SNX29: variants seen among roughly 807,000 people sequenced by gnomAD.
SNX29 encodes the protein sorting nexin-29.
Under a neutral mutation model 102.1 loss-of-function variants are expected in SNX29, and 78 were observed. The observed-to-expected ratio is 0.76, with a 90% confidence interval of 0.64 to 0.92. The LOEUF is 0.92. SNX29 is among the 40% of genes least tolerant of loss of function. The pLI, the probability that SNX29 is intolerant of heterozygous loss-of-function variation, is 0.00. For synonymous variants in SNX29, 580 were observed against 414.5 expected (o/e 1.40, Z -4.85); for missense variants, 1,280 against 1,061.7 (o/e 1.21, Z -2.86).
At chr16:12,292,649 C>G (rs1267413038) in intron 15 of SNX29, among the ~76,000 whole-genome samples, 1 of 152,184 alleles carries the variant, frequency 6.6e-6, no homozygotes, top group Admixed American at 6.5e-5. Flanking sequence ...AGCAGTTTGG[C>G]TTGGAAGACA....
chr16:12,156,804 C>T (rs990799373), intron 13 of SNX29, among the ~76,000 whole-genome samples: 1 of 152,204 alleles, frequency 6.6e-6, no homozygotes, highest in Non-Finnish European at 1.5e-5. Context: ...AGTGCAGGAG[C>T]CCAGGGCATG....
chr16:12,548,209 C>T (rs1424448881), intron 20 of SNX29, among the ~76,000 whole-genome samples: 1 of 152,198 alleles, frequency 6.6e-6, no homozygotes, highest in African/African-American at 2.4e-5. Flanking sequence ...CCCACAAGGC[C>T]ACGCTGGATC....
chr16:12,141,406 A>T (rs928752940), intron 13 of SNX29, among the ~76,000 whole-genome samples: 1 of 152,222 alleles, frequency 6.6e-6, no homozygotes, highest in Non-Finnish European at 1.5e-5. Flanking sequence ...GGGTTGTTGG[A>T]TCTTGTGCAA....
chr16:12,222,207 C>A (rs1310069936), intron 14 of SNX29, among the ~76,000 whole-genome samples: 1 of 152,126 alleles, frequency 6.6e-6, no homozygotes, highest in African/African-American at 2.4e-5. Flanking sequence ...AATTAGGAAA[C>A]AGAAACAAGC....
chr16:12,301,725 A>C (rs2080179622), intron 15 of SNX29, among the ~76,000 whole-genome samples: 1 of 151,950 alleles, frequency 6.6e-6, no homozygotes, highest in African/African-American at 2.4e-5. Flanking sequence ...CGGAGGATGG[A>C]CTCTGCATGA....
chr16:12,191,857 C>G (rs1567295835), intron 13 of SNX29, among the ~76,000 whole-genome samples: 3 of 152,202 alleles, frequency 2.0e-5, no homozygotes, highest in African/African-American at 7.2e-5. Context: ...TCCTCATGGT[C>G]TTGGATAGCC....
chr16:12,313,018 T>G (rs1369436712), intron 15 of SNX29, among the ~76,000 whole-genome samples: 1 of 122,504 alleles, frequency 8.2e-6, no homozygotes, highest in African/African-American at 2.7e-5. Context: ...CTTTTTGTTT[T>G]CTGTTTTTTT....
intron 13 of SNX29, among the ~76,000 whole-genome samples, chr16:12,147,945 GGCA>G (rs1032525983): frequency 6.6e-6 from 1 of 152,100 alleles, no homozygotes; most frequent in African/African-American, 2.4e-5. Context: ...AGATATTCTT[GGCA>G]GCAGCAGCAG....
chr16:12,272,204 C>A (rs1013796991), intron 14 of SNX29, among the ~76,000 whole-genome samples: 4 of 152,200 alleles, frequency 2.6e-5, no homozygotes, highest in Admixed American at 2.6e-4. Context: ...GCTGATTCTT[C>A]TTAAATATAG....
At chr16:11,999,185 T>C (rs535380384) in intron 1 of SNX29, 112 bp from the exon 2 acceptor site, 2 of 864,886 alleles carry the variant, frequency 2.3e-6, no homozygotes, top group South Asian at 1.6e-5. Flanking sequence ...AGATTATTGA[T>C]ACCTAGTTGT....
chr16:12,292,312 G>C (rs529294061), intron 15 of SNX29, among the ~76,000 whole-genome samples: 56 of 152,310 alleles, frequency 3.7e-4, no homozygotes, highest in African/African-American at 1.3e-3. Flanking sequence ...TCCTACTAGA[G>C]AGAGTCTTTT....
At chr16:12,556,021 C>G (rs907710734) in intron 20 of SNX29, among the ~76,000 whole-genome samples, 4 of 152,184 alleles carry the variant, frequency 2.6e-5, no homozygotes, top group African/African-American at 7.2e-5. Context: ...TGGACTCATG[C>G]CATGCCACCG....
At chr16:12,372,105 AT>A (rs1403235046) in intron 16 of SNX29, among the ~76,000 whole-genome samples, 13 of 152,214 alleles carry the variant, frequency 8.5e-5, no homozygotes, top group African/African-American at 3.1e-4. Context: ...CCTTCCAGGT[AT>A]TTTTTATGCA....
At chr16:12,396,511 G>T (rs971629999) in intron 16 of SNX29, among the ~76,000 whole-genome samples, 1 of 152,192 alleles carries the variant, frequency 6.6e-6, no homozygotes, top group Non-Finnish European at 1.5e-5. Context: ...GCCCAGAAGA[G>T]CTTTTCCCAG....
Position 12,524,733 on chromosome 16 carries a change from A to C in SNX29, c.2210A>C (p.Gln737Pro). The C allele has an allele frequency of 6.2e-7, 1 of 1,613,606 alleles. No homozygotes were observed. The highest frequency in any genetic ancestry group is 8.5e-7 in the Non-Finnish European group (1 of 1,179,764). ...AAGTTTGTGGAGGAACGGAGAAAGC[A>C]GCTCCAGAATTACCTGCGCAGCGTC... ...DAKFVEERRK[Q>P]LQNYLRSVMN... is the part of the protein sequence containing the mutation. Residue 737 changes from glutamine to proline, a missense_variant, in exon 20 of 21, where the codon CAG becomes CCG. By Grantham distance (76) the Gln-to-Pro change is moderately conservative. Transcript: ENST00000566228.
At position 12,571,666 on chromosome 16, in the gene SNX29, C is replaced by G. The variant is rs1027629779; in HGVS notation, c.*3037C>G. 1.9e-6 allele frequency: 2 copies of G among 1,059,442 alleles called. No individual in the cohort carries two copies. Among genetic ancestry groups the G allele is most frequent in the East Asian group, 5.2e-5 (1 of 19,306 alleles). The allele number at this position is 1,059,442 out of a possible 1,614,324, so 65.6% of individuals were successfully genotyped here. A position where few individuals can be genotyped will look rare whatever the true frequency, so the allele number is the denominator to read the frequency against. On this transcript the variant is annotated 3_prime_UTR_variant, in exon 21 of 21. Coordinates refer to ENST00000566228, the MANE Select transcript of SNX29 (RefSeq NM_032167.5). ...GAAAGACGACTCAGGAACGGTAGGGCTGGGCAGAGGTGTCTCTCCTTGAGA... is the reference window on the plus strand; with the variant it reads ...GAAAGACGACTCAGGAACGGTAGGGGTGGGCAGAGGTGTCTCTCCTTGAGA...
At chr16:12,528,205 G>C (rs893124281) in intron 20 of SNX29, among the ~76,000 whole-genome samples, 2 of 151,534 alleles carry the variant, frequency 1.3e-5, no homozygotes, top group Admixed American at 6.6e-5. Flanking sequence ...CAGACGTCAA[G>C]CTTCTTTATT....
Position 12,570,116 on chromosome 16 carries a change from G to A in SNX29, c.*1487G>A, listed in dbSNP as rs60991168. ...TCCCCTCGTAGCAAAAAGGAAGATT[G>A]TTCATGGCCTTTAAGGAAGGCTGAG... is the stretch of plus-strand genomic sequence containing the variant. On this transcript the variant is annotated 3_prime_UTR_variant, in exon 21 of 21. Transcript: ENST00000566228. The A allele has an allele frequency of 8.9e-4, 909 of 1,026,622 alleles. 8 individuals are homozygous for A. The African/African-American group carries it at 0.014, about 16-fold the overall frequency. 63.6% of individuals were successfully genotyped at this position (1,026,622 alleles called of 1,614,324 possible). A position where few individuals can be genotyped will look rare whatever the true frequency, so the allele number is the denominator to read the frequency against.
intron 15 of SNX29, among the ~76,000 whole-genome samples, chr16:12,279,031 G>T (rs1365688794): frequency 6.6e-6 from 1 of 152,156 alleles, no homozygotes; most frequent in African/African-American, 2.4e-5. Context: ...ATATTCAATG[G>T]TAAAGTTGAG....
Sources: gnomAD v4.1 joint callset for allele counts (sites outside exome capture counted in the v4.1 genomes callset) on GRCh38, gnomAD v4.1.1 for gene constraint, MANE v1.5 for transcripts, NCBI Gene and HGNC (gene_info 2026-07-23, HGNC 2026-07-21) for gene names.